The following ITIH4 variants were observed in gnomAD, a reference collection of about 807,000 sequenced individuals.
ITIH4 encodes inter-alpha-trypsin inhibitor heavy chain 4.
In ITIH4, 79 loss-of-function variants were observed where a neutral mutation model predicts 111.8. That is an observed-to-expected ratio of 0.71 (90% confidence interval 0.59 to 0.85). ITIH4 has a LOEUF of 0.85. Among genes scored for constraint, ITIH4 ranks in the 40% least tolerant of loss-of-function variants. The pLI, the probability that ITIH4 is intolerant of heterozygous loss-of-function variation, is 0.00. For missense variants in ITIH4, 1,065 were observed against 1,195.8 expected, an observed-to-expected ratio of 0.89 and a Z score of 1.61; for synonymous variants, 472 against 468.3, an observed-to-expected ratio of 1.01 and a Z score of -0.10.
chr3:52,820,239 TG>T, intron 14 of ITIH4, 51 bp downstream of exon 14: 1 of 1,612,768 alleles, frequency 6.2e-7, no homozygotes, highest in Non-Finnish European at 8.5e-7. Flanking sequence ...CCCTGGACCC[TG>T]TGTTAGCAGA....
chr3:52,813,721 G>A (rs1430877083), intron 23 of ITIH4, among the ~76,000 whole-genome samples: 1 of 152,232 alleles, frequency 6.6e-6, no homozygotes, highest in Non-Finnish European at 1.5e-5. Context: ...TGTGGACAGG[G>A]AGAGGTTCCG....
chr3:52,827,065 C>T, intron 3 of ITIH4, 28 bp downstream of exon 3: 1 of 1,611,916 alleles, frequency 6.2e-7, no homozygotes, highest in Non-Finnish European at 8.5e-7. Flanking sequence ...TAGACCCTCC[C>T]CACTGAAGCT....
intron 2 of ITIH4, among the ~76,000 whole-genome samples, chr3:52,828,120 C>T (rs891744737): frequency 6.6e-6 from 1 of 152,148 alleles, no homozygotes. Context: ...GGGCTCCTGG[C>T]CAGGTCAGGG....
chr3:52,819,309 G>T, intron 17 of ITIH4, 84 bp downstream of exon 17: 1 of 1,534,598 alleles, frequency 6.5e-7, no homozygotes, highest in Non-Finnish European at 9.0e-7. Flanking sequence ...TGTGGTGCGT[G>T]CTTTACCCCA....
chr3:52,823,955 A>G lies in ITIH4; in HGVS notation c.1221T>C (p.Ser407=), dbSNP rs34460122. The G allele has an allele frequency of 1.1e-3, 1,807 of 1,595,084 alleles. 8 individuals carry two copies. Among genetic ancestry groups the G allele is most frequent in the South Asian group, 4.5e-3 (389 of 87,106 alleles). ...SIQNNVREAV[S]GRYSLFCLGF... ...CCAGGCAGAAGAGGCTGTACCGGCC[A>G]CTTACAGCTTCCCGCACGTTATTCT... is the stretch of plus-strand genomic sequence containing the variant. Residue 407 remains serine (S), a synonymous_variant, in exon 10 of 24, where the codon AGT becomes AGC. Coordinates refer to ENST00000266041, the MANE Select transcript of ITIH4 (RefSeq NM_002218.5).
intron 13 of ITIH4, 112 bp from the exon 14 acceptor site, chr3:52,820,429 C>A: frequency 7.8e-7 from 1 of 1,283,438 alleles, no homozygotes. Context: ...CTACCCAATC[C>A]TGGACTATAT....
rs1578780812 is a variant in ITIH4, at chr3:52,825,969, G to C, written c.676C>G (p.Pro226Ala). The change falls in exon 6 of 24, where the codon CCA becomes GCA. Residue 226 changes from proline (P) to alanine (A), a missense_variant. Physicochemically the swap from Pro to Ala is conservative, Grantham distance 27 (BLOSUM62 -1). Coordinates refer to ENST00000266041, the MANE Select transcript of ITIH4 (RefSeq NM_002218.5). ...KPTLSQQQKS[P>A]EQQETVLDGN... ...TCCAGGACTGTTTCTTGCTGCTCTG[G>C]GGACTTTTGCTGCTGGGAAAGTGTT... 6.2e-7 allele frequency: 1 copy of C among 1,614,132 alleles called. No homozygotes were observed. The highest frequency in any genetic ancestry group is 8.5e-7 in the Non-Finnish European group (1 of 1,180,012).
Position 52,823,917 on chromosome 3 carries a change from T to C in ITIH4, c.1259A>G (p.Asp420Gly). The C allele has an allele frequency of 1.2e-6, 2 of 1,611,012 alleles. No homozygotes were observed. Among genetic ancestry groups the C allele is most frequent in the Non-Finnish European group, 1.7e-6 (2 of 1,178,844 alleles). The change falls in exon 10 of 24, where the codon GAC becomes GGC. Residue 420 changes from aspartate (D) to glycine (G), a missense_variant. Physicochemically the swap from Asp to Gly is moderately conservative, Grantham distance 94. Coordinates refer to ENST00000266041, the MANE Select transcript of ITIH4 (RefSeq NM_002218.5). Reference protein sequence around the residue: ...YSLFCLGFGFDVSYAFLEKLA... With the variant: ...YSLFCLGFGFGVSYAFLEKLA... ...CTTCTCCAGGAAGGCATAGCTGACG[T>C]CGAAACCGAAGCCCAGGCAGAAGAG...
chr3:52,820,064 T>C, intron 14 of ITIH4, 74 bp from the exon 15 acceptor site: 1 of 1,506,134 alleles, frequency 6.6e-7, no homozygotes, highest in Non-Finnish European at 9.2e-7. Flanking sequence ...GGGACTGTAT[T>C]CTTAGTGCTG....
rs778419677 is a variant in ITIH4 at position 52,823,935 on chromosome 3, C to A, written c.1241G>T (p.Cys414Phe). ...GCTGACGTCGAAACCGAAGCCCAGGCAGAAGAGGCTGTACCGGCCACTTAC... is the reference window on the plus strand; with the variant it reads ...GCTGACGTCGAAACCGAAGCCCAGGAAGAAGAGGCTGTACCGGCCACTTAC... ...EAVSGRYSLF[C>F]LGFGFDVSYA... The change falls in exon 10 of 24, where the codon TGC becomes TTC. Residue 414 changes from cysteine to phenylalanine, a missense_variant. By Grantham distance (205) the Cys-to-Phe change is radical. Coordinates refer to ENST00000266041, the MANE Select transcript of ITIH4 (RefSeq NM_002218.5). The A allele has an allele frequency of 6.2e-7, 1 of 1,606,870 alleles. No individual in the cohort carries two copies. The highest frequency in any genetic ancestry group is 8.5e-7 in the Non-Finnish European group (1 of 1,176,724).
intron 21 of ITIH4, among the ~76,000 whole-genome samples, chr3:52,814,892 T>C (rs766378245): frequency 6.6e-6 from 1 of 152,208 alleles, no homozygotes; most frequent in Non-Finnish European, 1.5e-5. Flanking sequence ...CCTCTGGTTT[T>C]CTTAAATTCA....
intron 2 of ITIH4, 59 bp downstream of exon 2, chr3:52,829,060 G>A (rs1172194825): frequency 2.7e-6 from 4 of 1,464,978 alleles, no homozygotes; most frequent in South Asian, 1.3e-5. Context: ...CTGGCACAGA[G>A]CGATGGAGTC....
chr3:52,817,938 T>C, intron 20 of ITIH4, 114 bp downstream of exon 20: 1 of 821,664 alleles, frequency 1.2e-6, no homozygotes, highest in Non-Finnish European at 2.1e-6. Flanking sequence ...GACCATGCTA[T>C]GATCTGGGAG....
Position 52,823,568 on chromosome 3 carries a change from G to T in ITIH4, c.1527C>A (p.Val509=). The T allele has an allele frequency of 6.2e-7, 1 of 1,608,464 alleles. No homozygotes were observed. The highest frequency in any genetic ancestry group is 1.1e-5 in the South Asian group (1 of 90,326). ...DRGPDVLTAT[V]SGKLPTQNIT... ...TGGCCACACTCACCAGCTTCCCACT[G>T]ACTGTGGCTGTGAGCACATCAGGCC... The change falls in exon 11 of 24, where the codon GTC becomes GTA. Residue 509 remains valine, a synonymous_variant. Transcript: ENST00000266041.
At chr3:52,830,455 C>G (rs555859559) in intron 1 of ITIH4, 98 bp downstream of exon 1, 2 of 1,160,762 alleles carry the variant, frequency 1.7e-6, no homozygotes, top group East Asian at 2.3e-5. Flanking sequence ...GATGCACACG[C>G]ACTTGTGCTG....
chr3:52,822,035 C>G (rs1326994779), intron 11 of ITIH4, among the ~76,000 whole-genome samples: 3 of 152,228 alleles, frequency 2.0e-5, no homozygotes, highest in Admixed American at 2.0e-4. Flanking sequence ...TTTTACTTGG[C>G]TTTATGTCCA....
Position 52,818,542 on chromosome 3 carries a change from G to T in ITIH4, c.2078-6C>A. On this transcript the variant is annotated splice_region_variant and splice_polypyrimidine_tract_variant and intron_variant, in intron 17 of 23. Transcript: ENST00000266041. ...TGGTGGTGCTGAAGCAGGCACTAGG[G>T]CAGGAACATCCGGAAACAGAAAGGG... 5 of 1,597,722 alleles carry T rather than the reference G, an allele frequency of 3.1e-6. No homozygotes were observed. The highest frequency in any genetic ancestry group is 3.4e-6 in the Non-Finnish European group (4 of 1,171,866).
At chr3:52,817,380 G>C (rs1304507111) in intron 20 of ITIH4, among the ~76,000 whole-genome samples, 1 of 152,266 alleles carries the variant, frequency 6.6e-6, no homozygotes, top group Non-Finnish European at 1.5e-5. Flanking sequence ...CCCTGAGCTA[G>C]ATGCCGCGGC....
intron 2 of ITIH4, among the ~76,000 whole-genome samples, chr3:52,827,951 G>A (rs531997429): frequency 6.6e-6 from 1 of 152,324 alleles, no homozygotes; most frequent in Admixed American, 6.5e-5. Context: ...GTGTGGCAGT[G>A]GGCAGGAGGG....
Sources: allele counts gnomAD v4.1 joint callset (sites outside exome capture counted in the v4.1 genomes callset), GRCh38; gene constraint gnomAD v4.1.1; transcripts MANE v1.5; gene names NCBI Gene and HGNC (gene_info 2026-07-23, HGNC 2026-07-21).